Variants in GRM8 observed in about 807,000 individuals in gnomAD.
GRM8 encodes metabotropic glutamate receptor 8.
In GRM8, 47 loss-of-function variants were observed where a neutral mutation model predicts 87.2. That is an observed-to-expected ratio of 0.54 (90% CI 0.43 to 0.69). GRM8 has a LOEUF of 0.69. GRM8 is among the 30% of genes least tolerant of loss of function. The probability of loss-of-function intolerance (pLI) is 0.00; values close to 1 mark genes in which losing one functional copy is unlikely to be tolerated. For synonymous variants in GRM8, 396 were observed against 404.5 expected (o/e 0.98, Z 0.25); for missense variants, 1,019 against 1,139.2 (o/e 0.89, Z 1.52).
intron 2 of GRM8, among the ~76,000 whole-genome samples, chr7:127,151,284 C>T (rs1828848898): frequency 6.6e-6 from 1 of 152,040 alleles, no homozygotes; most frequent in African/African-American, 2.4e-5. Flanking sequence ...TGACACACTT[C>T]AATAAACTCA....
At chr7:126,654,406 A>G (rs1039503509) in intron 7 of GRM8, among the ~76,000 whole-genome samples, 16 of 152,222 alleles carry the variant, frequency 1.1e-4, no homozygotes, top group African/African-American at 3.9e-4. Context: ...CTCTAGTTCC[A>G]AATTCTTAAT....
At chr7:126,745,418 T>TATATTATATTATATTATATTATATTA (rs1815539099) in intron 7 of GRM8, among the ~76,000 whole-genome samples, 1 of 150,688 alleles carries the variant, frequency 6.6e-6, no homozygotes, top group African/African-American at 2.4e-5. Context: ...TATATTATAC[T>TATATTATATTATATTATATTATATTA]TGTTTCTCTT....
intron 3 of GRM8, among the ~76,000 whole-genome samples, chr7:127,030,694 C>A (rs1817279518): frequency 6.6e-6 from 1 of 152,116 alleles, no homozygotes; most frequent in South Asian, 2.1e-4. Flanking sequence ...AAACCCATAA[C>A]ATGCTGAATA....
intron 3 of GRM8, among the ~76,000 whole-genome samples, chr7:127,022,509 G>T (rs1017592779): frequency 2.0e-5 from 3 of 151,832 alleles, no homozygotes; most frequent in African/African-American, 7.2e-5. Flanking sequence ...GAGATGGAGA[G>T]GCATGGGGGT....
chr7:126,964,829 A>C (rs915540891), intron 3 of GRM8, among the ~76,000 whole-genome samples: 1 of 152,234 alleles, frequency 6.6e-6, no homozygotes, highest in African/African-American at 2.4e-5. Context: ...AAACGATTAT[A>C]AATCATTCTA....
chr7:127,117,992 G>C (rs1363585421), intron 2 of GRM8, among the ~76,000 whole-genome samples: 1 of 152,222 alleles, frequency 6.6e-6, no homozygotes, highest in African/African-American at 2.4e-5. Flanking sequence ...GTTTATGCAA[G>C]TAAGTTTCCT....
At chr7:126,443,946 A>G (rs1044527821) in intron 10 of GRM8, among the ~76,000 whole-genome samples, 7 of 152,018 alleles carry the variant, frequency 4.6e-5, no homozygotes, top group Admixed American at 2.6e-4. Flanking sequence ...TAAAGTGGTG[A>G]AAAAGTTTAT....
intron 7 of GRM8, among the ~76,000 whole-genome samples, chr7:126,664,997 C>CA (rs1385725227): frequency 1.3e-5 from 2 of 151,892 alleles, no homozygotes; most frequent in African/African-American, 4.8e-5. Context: ...CAAAAGCAGC[C>CA]AAAAAACATG....
intron 7 of GRM8, among the ~76,000 whole-genome samples, chr7:126,721,023 GC>G (rs1812337081): frequency 6.6e-6 from 1 of 152,180 alleles, no homozygotes; most frequent in Non-Finnish European, 1.5e-5. Flanking sequence ...AATGTTTTCT[GC>G]TCTCTTGAGC....
intron 7 of GRM8, among the ~76,000 whole-genome samples, chr7:126,769,111 G>C (rs375932362): frequency 5.9e-5 from 9 of 152,024 alleles, no homozygotes; most frequent in Admixed American, 2.6e-4. Flanking sequence ...GTATTAGACA[G>C]CTCAGAGCAT....
chr7:126,596,961 T>C (rs1297074875), intron 8 of GRM8, among the ~76,000 whole-genome samples: 4 of 152,142 alleles, frequency 2.6e-5, no homozygotes, highest in African/African-American at 9.6e-5. Context: ...TTATAACAAA[T>C]GAAAGCAATC....
At chr7:126,793,257 A>G (rs942606149) in intron 6 of GRM8, among the ~76,000 whole-genome samples, 1 of 152,176 alleles carries the variant, frequency 6.6e-6, no homozygotes, top group Admixed American at 6.6e-5. Flanking sequence ...GTGTGAACCA[A>G]TATCTACCAA....
chr7:126,806,678 G>A (rs111542344), intron 6 of GRM8, among the ~76,000 whole-genome samples: 1,704 of 152,330 alleles, frequency 0.011, 29 homozygotes, highest in African/African-American at 0.037. Context: ...AAACCCAGCC[G>A]GCTTCACCTG....
At chr7:127,084,342 G>T (rs1253536525) in intron 3 of GRM8, 1 of 152,168 alleles carries the variant, frequency 6.6e-6, no homozygotes, top group Non-Finnish European at 1.5e-5. Context: ...AACAGAATAG[G>T]AGTTGGAATA....
intron 3 of GRM8, among the ~76,000 whole-genome samples, chr7:126,919,834 C>T (rs1586457893): frequency 6.6e-6 from 1 of 152,118 alleles, no homozygotes; most frequent in South Asian, 2.1e-4. Flanking sequence ...CCTGATACAA[C>T]ACCCTTTCAA....
intron 6 of GRM8, among the ~76,000 whole-genome samples, chr7:126,814,704 T>C (rs1793611991): frequency 2.1e-5 from 2 of 95,610 alleles, no homozygotes; most frequent in Non-Finnish European, 4.5e-5. Flanking sequence ...CTTTTTCTCT[T>C]TTTTTTTTGT....
intron 6 of GRM8, among the ~76,000 whole-genome samples, chr7:126,827,005 C>G (rs1005531308): frequency 2.6e-5 from 4 of 152,096 alleles, no homozygotes; most frequent in African/African-American, 9.7e-5. Context: ...TTCTCAGGTT[C>G]ATCAAAGATC....
chr7:126,585,799 C>T (rs1325957006), intron 8 of GRM8, among the ~76,000 whole-genome samples: 1 of 152,150 alleles, frequency 6.6e-6, no homozygotes, highest in African/African-American at 2.4e-5. Context: ...CTCACCACTC[C>T]TTTTCAACAT....
At chr7:126,817,692 T>G (rs1371159680) in intron 6 of GRM8, among the ~76,000 whole-genome samples, 1 of 152,114 alleles carries the variant, frequency 6.6e-6, no homozygotes, top group Non-Finnish European at 1.5e-5. Context: ...TTTGAGCAAT[T>G]GATTTTCAGA....
Sources: allele counts gnomAD v4.1 joint callset (sites outside exome capture counted in the v4.1 genomes callset), GRCh38; gene constraint gnomAD v4.1.1; transcripts MANE v1.5; gene names NCBI Gene and HGNC (gene_info 2026-07-23, HGNC 2026-07-21).